The following UBA3 variants were observed in gnomAD, a reference collection of about 807,000 sequenced individuals.
UBA3 encodes the protein ubiquitin like modifier activating enzyme 3, also known as NEDD8-activating enzyme E1 catalytic subunit.
UBA3 carries 26 observed loss-of-function variants against 73.5 expected under a neutral mutation model. The observed-to-expected ratio is 0.35, with a 90% CI of 0.26 to 0.49. UBA3 has a LOEUF of 0.49. Ranked by LOEUF, UBA3 falls within the 20% of genes least tolerant of loss-of-function variation. UBA3 has a pLI of 0.98. For synonymous variants in UBA3, 217 were observed against 191.2 expected (o/e 1.13, Z -1.11); for missense variants, 495 against 555.6 (o/e 0.89, Z 1.10).
At position 69,056,163 on chromosome 3, in the gene UBA3, C is replaced by A. The variant is rs774624938; in HGVS notation, c.1184+20G>T. ...CACAAAAATGATTTTTACAACATAA[C>A]AAAAATCTACAATACTTACAGAGAA... On this transcript the variant is annotated intron_variant, in intron 15 of 17. Transcript: ENST00000361055. 3.4e-5 allele frequency: 53 copies of A among 1,563,776 alleles called. No individual in the cohort carries two copies. Among genetic ancestry groups the A allele is most frequent in the Non-Finnish European group, 4.0e-5 (47 of 1,161,524 alleles).
chr3:69,061,494 C>G (rs1408610738), intron 11 of UBA3: 1 of 186,120 alleles, frequency 5.4e-6, no homozygotes, highest in African/African-American at 2.3e-5. Flanking sequence ...CGCAGCTGAC[C>G]TGAAGACAAT....
intron 6 of UBA3, among the ~76,000 whole-genome samples, chr3:69,066,877 A>G (rs896585459): frequency 2.0e-5 from 3 of 152,098 alleles, no homozygotes; most frequent in Admixed American, 1.3e-4. Context: ...ACTGTTTTGC[A>G]CCTTTATCAA....
At chr3:69,079,225 A>C (rs951228558) in intron 2 of UBA3, among the ~76,000 whole-genome samples, 2 of 152,166 alleles carry the variant, frequency 1.3e-5, no homozygotes, top group Non-Finnish European at 2.9e-5. Context: ...CACACAGAAG[A>C]CTCAGTACAG....
chr3:69,062,841 T>C (rs1009292732), intron 9 of UBA3, 141 bp downstream of exon 9: 18 of 1,037,924 alleles, frequency 1.7e-5, no homozygotes, highest in Non-Finnish European at 2.4e-5. Context: ...CAGAATTTCA[T>C]ATTTTATCTT....
intron 5 of UBA3, among the ~76,000 whole-genome samples, chr3:69,068,939 A>C (rs954488287): frequency 2.0e-5 from 3 of 152,236 alleles, no homozygotes; most frequent in African/African-American, 7.2e-5. Flanking sequence ...ATTACATCAC[A>C]GAAGCTGAAT....
At chr3:69,058,769 G>A (rs546302465) in intron 11 of UBA3, among the ~76,000 whole-genome samples, 3 of 152,286 alleles carry the variant, frequency 2.0e-5, no homozygotes, top group African/African-American at 7.2e-5. Context: ...AGAGTGGGCA[G>A]AAAGGCAACT....
rs1260833578 is a variant in UBA3, at chr3:69,062,187, C to T, written c.694-8G>A. The T allele has an allele frequency of 6.4e-7, 1 of 1,569,758 alleles. No homozygotes were observed. On this transcript the variant is annotated splice_polypyrimidine_tract_variant and splice_region_variant and intron_variant, in intron 9 of 17. Transcript: ENST00000361055. ...GCACATGGGAAAATTAACCTAAAAC[C>T]ACAGTTTGTCCTTTTCAGTGAATTT...
chr3:69,056,753 T>C (rs764406779), intron 13 of UBA3, 26 bp downstream of exon 13: 13 of 1,612,008 alleles, frequency 8.1e-6, no homozygotes, highest in Admixed American at 3.4e-5. Context: ...TAAATTTACA[T>C]GCATATTAAA....
intron 11 of UBA3, among the ~76,000 whole-genome samples, chr3:69,059,086 T>C (rs970165517): frequency 6.6e-6 from 1 of 152,232 alleles, no homozygotes; most frequent in Non-Finnish European, 1.5e-5. Flanking sequence ...TGAAAAAAAG[T>C]ATCTGCTCGT....
chr3:69,056,032 G>A lies in UBA3; in HGVS notation c.1216C>T (p.Leu406=), dbSNP rs1471805337. Residue 406 remains leucine (L), a synonymous_variant, in exon 16 of 18, where the codon CTA becomes TTA. Coordinates refer to ENST00000361055, the MANE Select transcript of UBA3 (RefSeq NM_003968.4). ...QMKSPAITAT[L]EGKNRTLYLQ... ...TAAAGTGTTCTATTTTTTCCCTCTAGGGTGGCTGTGATGGCTGGAGATTTC... is the reference window on the plus strand; with the variant it reads ...TAAAGTGTTCTATTTTTTCCCTCTAAGGTGGCTGTGATGGCTGGAGATTTC... 6.2e-7 allele frequency: 1 copy of A among 1,605,588 alleles called. No individual in the cohort carries two copies. Among genetic ancestry groups the A allele is most frequent in the Non-Finnish European group, 8.5e-7 (1 of 1,177,656 alleles).
In UBA3 at chr3:69,075,416, T is replaced by C. The variant is rs752354100; in HGVS notation, c.264+14A>G. The C allele has an allele frequency of 5.5e-6, 7 of 1,283,904 alleles. No individual in the cohort carries two copies. In the Admixed American group the frequency reaches 1.1e-4, roughly 20 times the overall value. The allele number at this position is 1,283,904 out of a possible 1,614,324, so 79.5% of individuals were successfully genotyped here. On this transcript the variant is annotated intron_variant, in intron 4 of 17. Transcript: ENST00000361055. Reference sequence around the variant, plus strand: ...GAAGAAAAAAATATTTATATATATATGTATATATATTACCAGATTTTTCAG... The same window carrying C: ...GAAGAAAAAAATATTTATATATATACGTATATATATTACCAGATTTTTCAG...
At chr3:69,066,306 C>G (rs56156415) in intron 6 of UBA3, among the ~76,000 whole-genome samples, 34,604 of 152,040 alleles carry the variant, frequency 0.23, 4,059 homozygotes, top group East Asian at 0.38. Context: ...AGCCAGGACT[C>G]TGTAGTGGTA....
chr3:69,072,940 T>A (rs1366170241), intron 4 of UBA3, among the ~76,000 whole-genome samples: 1 of 152,168 alleles, frequency 6.6e-6, no homozygotes, highest in Non-Finnish European at 1.5e-5. Context: ...GTTGATTCCA[T>A]CTTCAAAATA....
intron 9 of UBA3, 73 bp from the exon 10 acceptor site, chr3:69,062,252 T>A: frequency 2.0e-6 from 2 of 979,792 alleles, no homozygotes; most frequent in Non-Finnish European, 1.6e-6. Flanking sequence ...AGTTATGATC[T>A]AGTTCTTAAC....
chr3:69,066,303 A>G (rs944976804), intron 6 of UBA3, among the ~76,000 whole-genome samples: 2 of 151,992 alleles, frequency 1.3e-5, no homozygotes, highest in African/African-American at 4.8e-5. Context: ...AGCAGCCAGG[A>G]CTCTGTAGTG....
At chr3:69,068,645 C>T (rs1447137282) in intron 5 of UBA3, among the ~76,000 whole-genome samples, 3 of 151,600 alleles carry the variant, frequency 2.0e-5, no homozygotes, top group Non-Finnish European at 2.9e-5. Context: ...TGCAGTGGTG[C>T]GATCTCGGCT....
chr3:69,056,202 G>A lies in UBA3; in HGVS notation c.1165C>T (p.Leu389=). ...SAKLQEVLDY[L]TNSASLQMKS... The stretch of plus-strand genomic sequence containing the variant: ...ACTTACAGAGAAGCACTATTGGTTA[G>A]ATAATCCAAAACCTCCTGTAGTTTA... The change falls in exon 15 of 18, where the codon CTA becomes TTA. Residue 389 remains leucine (L), a synonymous_variant. Coordinates refer to ENST00000361055, the MANE Select transcript of UBA3 (RefSeq NM_003968.4). 1 of 1,594,938 alleles carries A rather than the reference G, an allele frequency of 6.3e-7. No homozygotes were observed. Among genetic ancestry groups the A allele is most frequent in the Non-Finnish European group, 8.5e-7 (1 of 1,174,606 alleles).
chr3:69,079,210 A>C (rs1050970890), intron 2 of UBA3, among the ~76,000 whole-genome samples: 5 of 152,228 alleles, frequency 3.3e-5, no homozygotes, highest in Non-Finnish European at 7.3e-5. Context: ...GAGGATATAG[A>C]TAATCACACA....
chr3:69,075,523 GA>G lies in UBA3; in HGVS notation c.184-14del. On this transcript the variant is annotated splice_polypyrimidine_tract_variant and intron_variant, in intron 3 of 17. Coordinates refer to ENST00000361055, the MANE Select transcript of UBA3 (RefSeq NM_003968.4). ...AGAACTGGAGAGACTGTAAAGAATG[GA>G]AAGGCATATTAAAAGCTGGGTGATA... 6.6e-7 allele frequency: 1 copy of G among 1,508,692 alleles called. No homozygotes were observed. Among genetic ancestry groups the G allele is most frequent in the Non-Finnish European group, 8.9e-7 (1 of 1,128,160 alleles). The allele number at this position is 1,508,692 out of a possible 1,614,324, so 93.5% of individuals were successfully genotyped here.
Sources: gnomAD v4.1 joint callset for allele counts (sites outside exome capture counted in the v4.1 genomes callset) on GRCh38, gnomAD v4.1.1 for gene constraint, MANE v1.5 for transcripts, NCBI Gene and HGNC (gene_info 2026-07-23, HGNC 2026-07-21) for gene names.